CCDC93: variants seen among roughly 807,000 people sequenced by gnomAD.
CCDC93 encodes the protein CCC complex scaffolding subunit CCDC93.
Under a neutral mutation model 108.2 loss-of-function variants are expected in CCDC93, and 61 were observed. The observed-to-expected ratio is 0.56, with a 90% CI of 0.46 to 0.70. The LOEUF (loss-of-function observed/expected upper bound fraction) is 0.70. CCDC93 is among the 30% of genes least tolerant of loss of function. CCDC93 has a pLI of 0.00. For synonymous variants in CCDC93, 276 were observed against 260.4 expected (o/e 1.06, Z -0.58); for missense variants, 685 against 764.2 (o/e 0.90, Z 1.22).
chr2:117,937,471 G>A (rs1678560624), intron 20 of CCDC93, among the ~76,000 whole-genome samples: 1 of 152,180 alleles, frequency 6.6e-6, no homozygotes. Flanking sequence ...TACTCCACAG[G>A]AAGGTTTTAA....
intron 3 of CCDC93, 34 bp from the exon 4 acceptor site, chr2:118,000,966 C>CA: frequency 7.7e-7 from 1 of 1,298,988 alleles, no homozygotes. Flanking sequence ...AAGAGTGAGG[C>CA]ATACTAAGTA....
rs1241651833 is a variant in CCDC93, at chr2:117,917,353, G to C, written c.*2990C>G. ...CACTTTGTGAGGTAGTAAAAGGACT[G>C]TCTGAAGGTCTTCTCCAGCCTCTGC... On this transcript the variant is annotated 3_prime_UTR_variant, in exon 24 of 24. Coordinates refer to ENST00000376300, the MANE Select transcript of CCDC93 (RefSeq NM_019044.5). 1 of 152,754 alleles carries C rather than the reference G, an allele frequency of 6.5e-6. No homozygotes were observed. Among genetic ancestry groups the C allele is most frequent in the Non-Finnish European group, 1.5e-5 (1 of 68,182 alleles). The allele number at this position is 152,754 out of a possible 1,614,324, so 9.5% of individuals were successfully genotyped here.
chr2:117,972,163 G>A (rs771661993), intron 11 of CCDC93, among the ~76,000 whole-genome samples: 1 of 152,196 alleles, frequency 6.6e-6, no homozygotes, highest in Non-Finnish European at 1.5e-5. Context: ...AAATCCACAT[G>A]TAAGTGGACC....
rs1460867790 is a variant in CCDC93 at position 117,945,583 on chromosome 2, C to T, written c.1297-1G>A. On this transcript the variant is annotated splice_acceptor_variant, in intron 16 of 23. Coordinates refer to ENST00000376300, the MANE Select transcript of CCDC93 (RefSeq NM_019044.5). LOFTEE classifies it high-confidence loss of function. ...CAGGCGGCTCTCCACTGGAGAGGGT[C>T]TGAAACAATGAAAACATAATAAACA... 1 of 1,613,342 alleles carries T rather than the reference C, an allele frequency of 6.2e-7. No individual in the cohort carries two copies. Among genetic ancestry groups the T allele is most frequent in the Non-Finnish European group, 8.5e-7 (1 of 1,179,368 alleles).
At chr2:117,994,978 C>T (rs1376135390) in intron 6 of CCDC93, among the ~76,000 whole-genome samples, 1 of 152,086 alleles carries the variant, frequency 6.6e-6, no homozygotes, top group African/African-American at 2.4e-5. Flanking sequence ...GAAGTTGGGA[C>T]ACATGTGCAG....
chr2:117,934,697 C>A (rs527722135), intron 22 of CCDC93: 1 of 152,310 alleles, frequency 6.6e-6, no homozygotes, highest in East Asian at 1.9e-4. Context: ...ACAATTCTTT[C>A]TTTCTCATGT....
rs923618546 is a variant in CCDC93, at chr2:117,972,274, T to A, written c.888+1634A>T. ...GTCCAAATTACTCCTAATTTCACTC[T>A]TTTCTAGAAGAATGGAATGGAGGTA... On this transcript the variant is annotated intron_variant, in intron 11 of 23. Coordinates refer to ENST00000376300, the MANE Select transcript of CCDC93 (RefSeq NM_019044.5). Among the ~76,000 whole-genome samples the A allele has an allele frequency of 2.0e-5, 3 of 152,168 alleles. No homozygotes were observed. In the South Asian group the frequency reaches 6.2e-4, roughly 31 times the overall value.
At chr2:118,011,395 T>C (rs1326701551) in intron 1 of CCDC93, among the ~76,000 whole-genome samples, 1 of 152,128 alleles carries the variant, frequency 6.6e-6, no homozygotes, top group East Asian at 1.9e-4. Context: ...ATCCTGAAGA[T>C]CAGCATTCAC....
chr2:117,976,821 G>A (rs960722943), intron 8 of CCDC93, among the ~76,000 whole-genome samples: 3 of 152,190 alleles, frequency 2.0e-5, no homozygotes, highest in Middle Eastern at 3.4e-3. Context: ...AGCAGAGGGG[G>A]AGCCTGGGGA....
chr2:117,966,343 T>C (rs970647157), intron 11 of CCDC93, among the ~76,000 whole-genome samples: 1 of 152,198 alleles, frequency 6.6e-6, no homozygotes, highest in Admixed American at 6.5e-5. Flanking sequence ...AGAAACTGTC[T>C]ACAGTCAGGC....
intron 11 of CCDC93, among the ~76,000 whole-genome samples, chr2:117,965,252 C>T (rs896280717): frequency 1.3e-5 from 2 of 152,202 alleles, no homozygotes; most frequent in South Asian, 2.1e-4. Flanking sequence ...CACTTCTCCC[C>T]AACTCCACAA....
Position 117,984,167 on chromosome 2 carries a change from C to A in CCDC93, c.620+1802G>T, listed in dbSNP as rs146335087. Among the ~76,000 whole-genome samples the A allele has an allele frequency of 5.6e-3, 850 of 152,218 alleles. 6 individuals are homozygous for A. Among genetic ancestry groups the A allele is most frequent in the Non-Finnish European group, 7.7e-3 (522 of 68,010 alleles). On this transcript the variant is annotated intron_variant, in intron 7 of 23. Coordinates refer to ENST00000376300, the MANE Select transcript of CCDC93 (RefSeq NM_019044.5). The stretch of plus-strand genomic sequence containing the variant: ...TCCACCTGCCACAAACTTACCCTCT[C>A]CTTGCCAAAAAAGCTAAAAAAACAA...
chr2:117,953,910 A>G (rs1318995568), intron 12 of CCDC93, among the ~76,000 whole-genome samples: 1 of 151,988 alleles, frequency 6.6e-6, no homozygotes, highest in East Asian at 1.9e-4. Context: ...ATGAAAATAA[A>G]AGAGGCTTGA....
chr2:117,988,501 ACTCAACAG>A (rs1680384889), intron 6 of CCDC93, among the ~76,000 whole-genome samples: 1 of 152,198 alleles, frequency 6.6e-6, no homozygotes, highest in Non-Finnish European at 1.5e-5. Context: ...CCCATGCCCA[ACTCAACAG>A]GAAGCGATAC....
At chr2:117,980,077 C>T (rs1211859892) in intron 7 of CCDC93, among the ~76,000 whole-genome samples, 1 of 152,106 alleles carries the variant, frequency 6.6e-6, no homozygotes, top group Non-Finnish European at 1.5e-5. Context: ...GCGTGGTTTC[C>T]TTCCTTGTCA....
At chr2:117,941,613 G>A (rs1366037088) in intron 18 of CCDC93, among the ~76,000 whole-genome samples, 1 of 152,162 alleles carries the variant, frequency 6.6e-6, no homozygotes, top group Non-Finnish European at 1.5e-5. Flanking sequence ...CCCCCAAGGA[G>A]TCTAGAATAG....
rs187715138 is a variant in CCDC93 at position 117,985,730 on chromosome 2, C to G, written c.620+239G>C. ...AGAGTACCTCAGCCTCTGTAAATGCCTGGAACACCCCAACTCCCAAAGGAA... is the reference window on the plus strand; with the variant it reads ...AGAGTACCTCAGCCTCTGTAAATGCGTGGAACACCCCAACTCCCAAAGGAA... On this transcript the variant is annotated intron_variant, in intron 7 of 23. Coordinates refer to ENST00000376300, the MANE Select transcript of CCDC93 (RefSeq NM_019044.5). 2.3e-4 allele frequency among the ~76,000 whole-genome samples: 35 copies of G among 152,210 alleles called. No homozygotes were observed. The East Asian group carries it at 5.2e-3, about 23-fold the overall frequency.
intron 20 of CCDC93, among the ~76,000 whole-genome samples, chr2:117,937,919 G>C (rs1421457478): frequency 6.6e-6 from 1 of 152,160 alleles, no homozygotes; most frequent in Admixed American, 6.5e-5. Context: ...AGATCTACCT[G>C]GTTTGTCTGA....
intron 11 of CCDC93, among the ~76,000 whole-genome samples, chr2:117,960,437 G>A (rs144490239): frequency 5.3e-5 from 8 of 152,334 alleles, no homozygotes; most frequent in African/African-American, 1.9e-4. Context: ...CTGTTCTGCA[G>A]CTTTGGCATG....
Sources: allele counts gnomAD v4.1 joint callset (sites outside exome capture counted in the v4.1 genomes callset), GRCh38; gene constraint gnomAD v4.1.1; transcripts MANE v1.5; gene names NCBI Gene and HGNC (gene_info 2026-07-23, HGNC 2026-07-21).